The following CTSK variants were observed in gnomAD, a reference collection of about 807,000 sequenced individuals.
CTSK encodes cathepsin O.
A neutral mutation model predicts 40.5 loss-of-function variants in CTSK; 26 were observed. The ratio of observed to expected loss-of-function variants is 0.64; its 90% CI spans 0.47 to 0.89. The LOEUF is 0.89. CTSK is among the 40% of genes least tolerant of loss of function. CTSK has a pLI of 0.00. For synonymous variants in CTSK, 132 were observed against 143.2 expected (o/e 0.92, Z 0.56); for missense variants, 292 against 400.1 (o/e 0.73, Z 2.30).
intron 5 of CTSK, among the ~76,000 whole-genome samples, chr1:150,802,984 T>C (rs1348958055): frequency 2.0e-5 from 3 of 152,108 alleles, no homozygotes; most frequent in Non-Finnish European, 2.9e-5. Flanking sequence ...ATAAACATAC[T>C]GATAAAAAGG....
intron 2 of CTSK, 46 bp from the exon 3 acceptor site, chr1:150,806,270 A>G (rs1654091782): frequency 1.9e-6 from 3 of 1,603,620 alleles, no homozygotes; most frequent in South Asian, 1.1e-5. Flanking sequence ...CTACAGTTAC[A>G]TATGTAATAT....
At chr1:150,799,344 G>C in intron 6 of CTSK, 71 bp from the exon 7 acceptor site, 1 of 1,298,208 alleles carries the variant, frequency 7.7e-7, no homozygotes, top group Admixed American at 1.7e-5. Flanking sequence ...CCCAGTCTAG[G>C]AGACTGTTTG....
At chr1:150,807,489 C>T (rs1654132818) in intron 1 of CTSK, 1 of 391,990 alleles carries the variant, frequency 2.6e-6, no homozygotes, top group Non-Finnish European at 5.1e-6. Context: ...TAACCAGATG[C>T]TGCGGGCAAG....
At chr1:150,802,816 T>C (rs1239458413) in intron 5 of CTSK, among the ~76,000 whole-genome samples, 1 of 152,124 alleles carries the variant, frequency 6.6e-6, no homozygotes. Context: ...GAGGATTGCT[T>C]GAGCCCAGGA....
At position 150,796,628 on chromosome 1, in the gene CTSK, C is replaced by A; in HGVS notation, c.*171G>T. Reference sequence around the variant, plus strand: ...GAAAAAGGTCATGGGTGGAGAGAAGCAAAGTAGGAAGGATCATTTGAAGCA... The same window carrying A: ...GAAAAAGGTCATGGGTGGAGAGAAGAAAAGTAGGAAGGATCATTTGAAGCA... On this transcript the variant is annotated 3_prime_UTR_variant, in exon 8 of 8. Transcript: ENST00000271651. The A allele has an allele frequency of 1.4e-6, 1 of 715,730 alleles. No individual in the cohort carries two copies. The allele number at this position is 715,730 out of a possible 1,614,324, so 44.3% of individuals were successfully genotyped here.
intron 4 of CTSK, 146 bp downstream of exon 4, chr1:150,805,715 G>C: frequency 1.3e-6 from 1 of 780,498 alleles, no homozygotes; most frequent in Non-Finnish European, 2.2e-6. Context: ...AAACAAATGA[G>C]GTTAAATAAC....
At chr1:150,804,797 G>C (rs1654054464) in intron 4 of CTSK, among the ~76,000 whole-genome samples, 1 of 151,974 alleles carries the variant, frequency 6.6e-6, no homozygotes, top group African/African-American at 2.4e-5. Context: ...TAGGTTCTGG[G>C]GGTCAAAAAG....
In CTSK at chr1:150,808,207, A is replaced by G. The variant is rs1232617977; in HGVS notation, c.-2+7T>C. ...AGCTAAAAGATCTAGGAAGTTGCAA[A>G]CGTTACCTGCTGATGGAAATCTGTT... On this transcript the variant is annotated splice_region_variant and intron_variant, in intron 1 of 7. Coordinates refer to ENST00000271651, the MANE Select transcript of CTSK (RefSeq NM_000396.4). The G allele has an allele frequency of 6.6e-6, 1 of 152,394 alleles. No individual in the cohort carries two copies. The highest frequency in any genetic ancestry group is 2.4e-5 in the African/African-American group (1 of 41,466). 9.4% of individuals were successfully genotyped at this position (152,394 alleles called of 1,614,324 possible). A position where few individuals can be genotyped will look rare whatever the true frequency, so the allele number is the denominator to read the frequency against.
intron 4 of CTSK, among the ~76,000 whole-genome samples, chr1:150,804,459 C>G (rs988594238): frequency 1.3e-5 from 2 of 152,188 alleles, no homozygotes; most frequent in African/African-American, 4.8e-5. Context: ...GAGCACAGTA[C>G]CAGCTGTGGA....
chr1:150,804,014 A>T lies in CTSK; in HGVS notation c.618+7T>A, dbSNP rs757964962. Reference sequence around the variant, plus strand: ...CAGAGCTGTATAATTGTGTGGAGCAATCTCACCTGTCCCACATATGGGTAG... The same window carrying T: ...CAGAGCTGTATAATTGTGTGGAGCATTCTCACCTGTCCCACATATGGGTAG... On this transcript the variant is annotated splice_region_variant and intron_variant, in intron 5 of 7. Coordinates refer to ENST00000271651, the MANE Select transcript of CTSK (RefSeq NM_000396.4). 1 of 1,611,024 alleles carries T rather than the reference A, an allele frequency of 6.2e-7. No homozygotes were observed. The highest frequency in any genetic ancestry group is 8.5e-7 in the Non-Finnish European group (1 of 1,177,208).
At chr1:150,801,370 C>A (rs587674387) in intron 5 of CTSK, among the ~76,000 whole-genome samples, 1 of 152,138 alleles carries the variant, frequency 6.6e-6, no homozygotes, top group Non-Finnish European at 1.5e-5. Context: ...CTGCCTGCCT[C>A]AGCCTCCCAA....
intron 2 of CTSK, 82 bp downstream of exon 2, chr1:150,806,604 T>C (rs1654096809): frequency 8.2e-6 from 13 of 1,577,368 alleles, no homozygotes; most frequent in Non-Finnish European, 1.1e-5. Flanking sequence ...AGCATTTGGA[T>C]TGAAGAAGGG....
At chr1:150,800,344 C>CA (rs1653967328) in intron 5 of CTSK, 1 of 156,150 alleles carries the variant, frequency 6.4e-6, no homozygotes, top group Non-Finnish European at 1.4e-5. Context: ...CAGGAAGGCA[C>CA]CAGCTGCTGT....
chr1:150,806,854 C>G, intron 1 of CTSK, 48 bp from the exon 2 acceptor site: 1 of 1,607,806 alleles, frequency 6.2e-7, no homozygotes, highest in Non-Finnish European at 8.5e-7. Context: ...GGCAGGGAAA[C>G]AGAGGAAAAC....
chr1:150,803,964 A>G (rs974420886), intron 5 of CTSK, 57 bp downstream of exon 5: 5 of 1,392,948 alleles, frequency 3.6e-6, no homozygotes, highest in Non-Finnish European at 5.1e-6. Flanking sequence ...AGTACAAAAC[A>G]TCATGCTGGG....
Position 150,796,454 on chromosome 1 carries a change from C to T in CTSK, c.*345G>A. On this transcript the variant is annotated 3_prime_UTR_variant, in exon 8 of 8. Coordinates refer to ENST00000271651, the MANE Select transcript of CTSK (RefSeq NM_000396.4). ...TCTAGGGTGCTTAAAGCTAACTAGT[C>T]CCGTGAATGAGAATCTAACCTATGT... 2.4e-6 allele frequency: 1 copy of T among 410,612 alleles called. No individual in the cohort carries two copies. Among genetic ancestry groups the T allele is most frequent in the Non-Finnish European group, 4.5e-6 (1 of 220,004 alleles). 25.4% of individuals were successfully genotyped at this position (410,612 alleles called of 1,614,324 possible).
At chr1:150,806,640 T>G (rs747549150) in intron 2 of CTSK, 46 bp downstream of exon 2, 1 of 1,612,472 alleles carries the variant, frequency 6.2e-7, no homozygotes, top group Non-Finnish European at 8.5e-7. Context: ...ATGAGAGAGC[T>G]CAGGTCTCAG....
chr1:150,803,627 A>G (rs587737358), intron 5 of CTSK, among the ~76,000 whole-genome samples: 149 of 152,350 alleles, frequency 9.8e-4, no homozygotes, highest in Non-Finnish European at 1.8e-3. Context: ...GTAAACTTAC[A>G]TAATTTGCTG....
At chr1:150,806,665 C>A (rs755011972) in intron 2 of CTSK, 21 bp downstream of exon 2, 2 of 1,613,396 alleles carry the variant, frequency 1.2e-6, no homozygotes, top group South Asian at 1.1e-5. Context: ...CCTGCCATGC[C>A]CCCTCCAGGA....
Sources: gnomAD v4.1 joint callset for allele counts (sites outside exome capture counted in the v4.1 genomes callset) on GRCh38, gnomAD v4.1.1 for gene constraint, MANE v1.5 for transcripts, NCBI Gene and HGNC (gene_info 2026-07-23, HGNC 2026-07-21) for gene names.